The following RIPOR3 variants were observed in gnomAD, a reference collection of about 807,000 sequenced individuals.
RIPOR3 encodes the protein RIPOR family member 3, also known as family with sequence similarity 65 member C.
A neutral mutation model predicts 114.3 loss-of-function variants in RIPOR3; 95 were observed. The ratio of observed to expected loss-of-function variants is 0.83; its 90% CI spans 0.70 to 0.99. The LOEUF (loss-of-function observed/expected upper bound fraction) is 0.99. RIPOR3 is among the 50% of genes least tolerant of loss of function. The pLI is 0.00. For synonymous variants in RIPOR3, 575 were observed against 543.8 expected (o/e 1.06, Z -0.80); for missense variants, 1,252 against 1,266.9 (o/e 0.99, Z 0.18).
At chr20:50,650,558 C>T (rs140257304) in intron 1 of RIPOR3, among the ~76,000 whole-genome samples, 106 of 152,268 alleles carry the variant, frequency 7.0e-4, no homozygotes, top group African/African-American at 2.4e-3. Context: ...CCCACGTTGG[C>T]CTCCCAAAGT....
chr20:50,606,547 T>A (rs1257108899), intron 11 of RIPOR3, among the ~76,000 whole-genome samples: 1 of 152,002 alleles, frequency 6.6e-6, no homozygotes, highest in Non-Finnish European at 1.5e-5. Flanking sequence ...ACAGGGACCA[T>A]CCCTCTATCT....
intron 11 of RIPOR3, among the ~76,000 whole-genome samples, chr20:50,606,816 G>A (rs190116194): frequency 1.3e-3 from 201 of 151,330 alleles, no homozygotes; most frequent in Non-Finnish European, 2.2e-3. Context: ...TGCAGCCTCC[G>A]CCTCCCCGGT....
intron 1 of RIPOR3, 51 bp downstream of exon 1, chr20:50,691,075 C>G (rs2087196006): frequency 1.6e-6 from 2 of 1,289,390 alleles, no homozygotes; most frequent in Admixed American, 4.6e-5. Context: ...GAAGTCTGTC[C>G]ACACAAGGCG....
chr20:50,660,196 C>T (rs1183260968), intron 1 of RIPOR3: 1 of 152,306 alleles, frequency 6.6e-6, no homozygotes, highest in East Asian at 1.9e-4. Flanking sequence ...GATCAAGCTT[C>T]ACCTGAAACC....
At chr20:50,614,608 A>G (rs534307479) in intron 4 of RIPOR3, 1 of 170,530 alleles carries the variant, frequency 5.9e-6, no homozygotes, top group East Asian at 1.9e-4. Flanking sequence ...TCCCTGAGCA[A>G]TGGGATCCTA....
chr20:50,588,512 C>T (rs150240587), intron 20 of RIPOR3, among the ~76,000 whole-genome samples: 1 of 152,310 alleles, frequency 6.6e-6, no homozygotes, highest in East Asian at 1.9e-4. Flanking sequence ...TCCATGGGAT[C>T]TATGTGTGGG....
intron 13 of RIPOR3, among the ~76,000 whole-genome samples, chr20:50,599,050 C>G (rs2083401497): frequency 6.6e-6 from 1 of 152,076 alleles, no homozygotes; most frequent in Non-Finnish European, 1.5e-5. Context: ...ATCAACTCAG[C>G]AATGCAGAAC....
intron 2 of RIPOR3, among the ~76,000 whole-genome samples, chr20:50,628,770 G>T (rs972342833): frequency 3.9e-5 from 6 of 152,204 alleles, no homozygotes; most frequent in Non-Finnish European, 7.3e-5. Flanking sequence ...AATATCTGCT[G>T]CGTGAACAGG....
intron 2 of RIPOR3, chr20:50,620,803 CA>C: frequency 2.0e-6 from 2 of 1,024,492 alleles, no homozygotes; most frequent in Non-Finnish European, 2.9e-6. Context: ...ACAAGGGCCA[CA>C]AGGTGACCAA....
intron 2 of RIPOR3, among the ~76,000 whole-genome samples, chr20:50,625,068 TTG>T (rs1228977767): frequency 0.011 from 1,498 of 142,506 alleles, 29 homozygotes; most frequent in African/African-American, 0.037. Context: ...CTCAGTGCTT[TTG>T]TTTTTTTTTT....
At chr20:50,618,128 G>T (rs1013396003) in intron 3 of RIPOR3, among the ~76,000 whole-genome samples, 1 of 151,834 alleles carries the variant, frequency 6.6e-6, no homozygotes, top group Non-Finnish European at 1.5e-5. Context: ...TTAGCCGGGC[G>T]TGGTGGCAGA....
At chr20:50,675,073 G>A (rs1054411934) in intron 1 of RIPOR3, among the ~76,000 whole-genome samples, 1 of 152,162 alleles carries the variant, frequency 6.6e-6, no homozygotes, top group African/African-American at 2.4e-5. Context: ...GTGAGATCCT[G>A]TCTAAAACAA....
intron 3 of RIPOR3, among the ~76,000 whole-genome samples, chr20:50,617,036 G>A (rs1352094384): frequency 1.3e-5 from 2 of 152,286 alleles, no homozygotes; most frequent in South Asian, 2.1e-4. Context: ...CAGCTACTCG[G>A]GAGGCTGAAG....
At chr20:50,677,366 ACT>A (rs2086705858) in intron 1 of RIPOR3, among the ~76,000 whole-genome samples, 5 of 73,428 alleles carry the variant, frequency 6.8e-5, no homozygotes, top group Admixed American at 1.8e-4. Flanking sequence ...TTCTTGTTTT[ACT>A]TTTTTTTTTT....
chr20:50,645,898 A>G (rs1351332321), intron 1 of RIPOR3: 3 of 152,224 alleles, frequency 2.0e-5, no homozygotes, highest in African/African-American at 2.4e-5. Context: ...TAAACAATTT[A>G]CAAGAGACAC....
chr20:50,677,433 G>T (rs1433805715), intron 1 of RIPOR3, among the ~76,000 whole-genome samples: 2 of 142,804 alleles, frequency 1.4e-5, no homozygotes, highest in African/African-American at 2.6e-5. Context: ...GTGCAGTGGC[G>T]CAATCTCGGC....
chr20:50,624,002 A>AT (rs1169456534), intron 2 of RIPOR3, among the ~76,000 whole-genome samples: 1 of 148,416 alleles, frequency 6.7e-6, no homozygotes, highest in Non-Finnish European at 1.5e-5. Context: ...ACGTCCAGTA[A>AT]TTTTTGTTTT....
chr20:50,594,759 C>T, intron 16 of RIPOR3, 45 bp from the exon 17 acceptor site: 2 of 1,577,618 alleles, frequency 1.3e-6, no homozygotes, highest in South Asian at 1.1e-5. Context: ...TCGGGGAGAG[C>T]ACATGACAAG....
At chr20:50,628,571 C>G (rs754369560) in intron 2 of RIPOR3, among the ~76,000 whole-genome samples, 80 of 152,256 alleles carry the variant, frequency 5.3e-4, no homozygotes, top group Admixed American at 2.2e-3. Context: ...ATGCCCCTGT[C>G]TCGTCAGGCT....
Sources: gnomAD v4.1 joint callset for allele counts (sites outside exome capture counted in the v4.1 genomes callset) on GRCh38, gnomAD v4.1.1 for gene constraint, MANE v1.5 for transcripts, NCBI Gene and HGNC (gene_info 2026-07-23, HGNC 2026-07-21) for gene names.